MARCHF1: variants seen among roughly 807,000 people sequenced by gnomAD.
The protein encoded by MARCHF1 is membrane associated ring-CH-type finger 1, also known as E3 ubiquitin-protein ligase MARCHF1.
In MARCHF1, 40 loss-of-function variants were observed where a neutral mutation model predicts 54.2. The observed-to-expected ratio is 0.74, with a 90% CI of 0.57 to 0.96. The LOEUF (loss-of-function observed/expected upper bound fraction) is 0.96. MARCHF1 is among the 40% of genes least tolerant of loss of function. The pLI is 0.00. For missense variants in MARCHF1, 586 were observed against 656.5 expected, an observed-to-expected ratio of 0.89 and a Z score of 1.17; for synonymous variants, 236 against 236.3, an observed-to-expected ratio of 1.00 and a Z score of 0.01.
intron 4 of MARCHF1, among the ~76,000 whole-genome samples, chr4:163,836,212 G>T (rs1368465637): frequency 7.3e-6 from 1 of 136,544 alleles, no homozygotes; most frequent in Non-Finnish European, 1.6e-5. Context: ...CATGGTAGTT[G>T]CAATTTATTT....
chr4:164,090,999 T>C (rs1234672216), intron 2 of MARCHF1, among the ~76,000 whole-genome samples: 1 of 152,128 alleles, frequency 6.6e-6, no homozygotes, highest in Non-Finnish European at 1.5e-5. Flanking sequence ...AGAATTACTG[T>C]TGAACGAGAA....
At chr4:164,277,511 C>T (rs1733917799) in intron 1 of MARCHF1, among the ~76,000 whole-genome samples, 1 of 152,194 alleles carries the variant, frequency 6.6e-6, no homozygotes, top group Non-Finnish European at 1.5e-5. Flanking sequence ...TTTATATAGA[C>T]TTCGTTGCAT....
At chr4:163,579,396 T>C (rs977346674) in intron 8 of MARCHF1, among the ~76,000 whole-genome samples, 1 of 152,224 alleles carries the variant, frequency 6.6e-6, no homozygotes, top group Non-Finnish European at 1.5e-5. Context: ...AATATTTTTC[T>C]TTTAATAATT....
chr4:164,194,245 CT>C (rs1731194660), intron 1 of MARCHF1, among the ~76,000 whole-genome samples: 1 of 151,930 alleles, frequency 6.6e-6, no homozygotes, highest in Admixed American at 6.6e-5. Context: ...GGATTTTTTT[CT>C]TTTAGCTTTT....
chr4:164,302,234 A>G (rs773573781), intron 1 of MARCHF1, among the ~76,000 whole-genome samples: 1 of 152,000 alleles, frequency 6.6e-6, no homozygotes, highest in African/African-American at 2.4e-5. Context: ...TATCAAAGAC[A>G]CTCTGGGAAC....
rs544757804 is a variant in MARCHF1 at position 163,900,018 on chromosome 4, A to C, written c.-38-45849T>G. On this transcript the variant is annotated intron_variant, in intron 3 of 9. Transcript: ENST00000514618. ...TCCTTTGTCTTTGCTAGAATGTCAC[A>C]TTCTCAGGAGACCTTCAGTGATCCC... 3.3e-5 allele frequency among the ~76,000 whole-genome samples: 5 copies of C among 152,064 alleles called. No homozygotes were observed. In the East Asian group the frequency reaches 9.7e-4, roughly 29 times the overall value.
chr4:164,236,179 C>G (rs1732547997), intron 1 of MARCHF1, among the ~76,000 whole-genome samples: 1 of 152,020 alleles, frequency 6.6e-6, no homozygotes, highest in Non-Finnish European at 1.5e-5. Context: ...CTCTATAAAG[C>G]CTCTTGAACA....
chr4:164,333,670 C>A (rs930188423), intron 1 of MARCHF1, among the ~76,000 whole-genome samples: 3 of 152,084 alleles, frequency 2.0e-5, no homozygotes, highest in Non-Finnish European at 2.9e-5. Context: ...GAAATTAGTC[C>A]AATTAATAAG....
At chr4:164,207,980 A>C (rs1731658463) in intron 1 of MARCHF1, among the ~76,000 whole-genome samples, 1 of 151,906 alleles carries the variant, frequency 6.6e-6, no homozygotes, top group Non-Finnish European at 1.5e-5. Flanking sequence ...ATAAAAGTTG[A>C]AAAAAAACCA....
chr4:164,340,671 C>A (rs1337853431), intron 1 of MARCHF1, among the ~76,000 whole-genome samples: 1 of 151,692 alleles, frequency 6.6e-6, no homozygotes, highest in African/African-American at 2.4e-5. Context: ...AATCTGCCCA[C>A]CTTGGCCTTT....
intron 2 of MARCHF1, among the ~76,000 whole-genome samples, chr4:164,076,385 G>A (rs547926551): frequency 1.1e-4 from 17 of 152,182 alleles, no homozygotes; most frequent in African/African-American, 3.1e-4. Flanking sequence ...TTGATGGAAC[G>A]TATCTCAAAA....
chr4:163,638,243 A>T (rs897616077), intron 5 of MARCHF1, among the ~76,000 whole-genome samples: 9 of 88,128 alleles, frequency 1.0e-4, no homozygotes, highest in African/African-American at 2.7e-4. Context: ...AAAGTATAAT[A>T]AAAAAAAAAA....
intron 4 of MARCHF1, among the ~76,000 whole-genome samples, chr4:163,721,850 G>C (rs190335116): frequency 1.3e-5 from 2 of 152,206 alleles, no homozygotes; most frequent in East Asian, 3.9e-4. Flanking sequence ...ACGGGAATTT[G>C]TATTTCTGTG....
In MARCHF1 at chr4:163,537,889, T is replaced by A. The variant is rs142943455; in HGVS notation, c.1339+7707A>T. On this transcript the variant is annotated intron_variant, in intron 9 of 9. Coordinates refer to ENST00000514618, the MANE Select transcript of MARCHF1 (RefSeq NM_001394959.1). ...TAAAGTAAATTCTTCCAGGACTCCT[T>A]TTTACAGTCACATATATGTGATCTG... 2.7e-3 allele frequency among the ~76,000 whole-genome samples: 412 copies of A among 152,308 alleles called. 3 individuals are homozygous for A. The highest frequency in any genetic ancestry group is 9.2e-3 in the African/African-American group (383 of 41,570).
At chr4:164,101,687 A>G in intron 2 of MARCHF1, among the ~76,000 whole-genome samples, 1 of 125,054 alleles carries the variant, frequency 8.0e-6, no homozygotes, top group Non-Finnish European at 1.7e-5. Context: ...AAAACTGGAA[A>G]CTCTAAAAAT....
At chr4:163,742,397 C>CCCTTCCTTCCTTCCTTCCTTCCTTCCTT (rs201806407) in intron 4 of MARCHF1, among the ~76,000 whole-genome samples, 122 of 91,298 alleles carry the variant, frequency 1.3e-3, no homozygotes, top group African/African-American at 4.8e-3. Flanking sequence ...CTTCCTTCCT[C>CCCTTCCTTCCTTCCTTCCTTCCTTCCTT]CCTTCCTTCC....
At chr4:164,230,052 T>TC (rs1329933428) in intron 1 of MARCHF1, among the ~76,000 whole-genome samples, 2 of 152,104 alleles carry the variant, frequency 1.3e-5, no homozygotes, top group Non-Finnish European at 2.9e-5. Flanking sequence ...TAGCTGGGAC[T>TC]ACAGGTGTGT....
intron 3 of MARCHF1, among the ~76,000 whole-genome samples, chr4:163,945,044 T>C (rs1374929022): frequency 1.3e-5 from 2 of 152,144 alleles, no homozygotes; most frequent in Non-Finnish European, 2.9e-5. Context: ...CAAACTGATA[T>C]TGTCTTACAA....
intron 2 of MARCHF1, among the ~76,000 whole-genome samples, chr4:164,050,020 A>G (rs1754326088): frequency 6.6e-6 from 1 of 152,134 alleles, no homozygotes; most frequent in African/African-American, 2.4e-5. Flanking sequence ...CAAACCTGCA[A>G]TCCCAGCACT....
Sources: gnomAD v4.1 joint callset for allele counts (sites outside exome capture counted in the v4.1 genomes callset) on GRCh38, gnomAD v4.1.1 for gene constraint, MANE v1.5 for transcripts, NCBI Gene and HGNC (gene_info 2026-07-23, HGNC 2026-07-21) for gene names.